The following LOXHD1 variants were observed in gnomAD, a reference collection of about 807,000 sequenced individuals.
The protein encoded by LOXHD1 is lipoxygenase homology domain-containing protein 1.
A neutral mutation model predicts 248.2 loss-of-function variants in LOXHD1; 205 were observed. That is an observed-to-expected ratio of 0.83 (90% confidence interval 0.74 to 0.93). The LOEUF (loss-of-function observed/expected upper bound fraction) is 0.93, where lower values mean the gene tolerates loss of function less well. Ranked by LOEUF, LOXHD1 falls within the 40% of genes least tolerant of loss-of-function variation. The probability of loss-of-function intolerance (pLI) is 0.00; values close to 1 mark genes in which losing one functional copy is unlikely to be tolerated. For synonymous variants in LOXHD1, 1,113 were observed against 1,162.8 expected, an observed-to-expected ratio of 0.96 and a Z score of 0.87; for missense variants, 2,930 against 2,971.6, an observed-to-expected ratio of 0.99 and a Z score of 0.33.
intron 17 of LOXHD1, among the ~76,000 whole-genome samples, chr18:46,565,723 A>C (rs987602173): frequency 6.6e-6 from 1 of 152,218 alleles, no homozygotes. Flanking sequence ...ATACAAGGTA[A>C]ATGCTATATA....
At chr18:46,524,984 C>A in intron 29 of LOXHD1, 67 bp from the exon 30 acceptor site, 1 of 1,500,324 alleles carries the variant, frequency 6.7e-7, no homozygotes, top group East Asian at 2.5e-5. Flanking sequence ...CCAGCCCCAC[C>A]CTTCTGGGAC....
At chr18:46,556,918 AAT>A (rs912342367) in intron 21 of LOXHD1, 17 of 285,070 alleles carry the variant, frequency 6.0e-5, no homozygotes, top group African/African-American at 3.4e-4. Flanking sequence ...CTCACCCTCC[AAT>A]GTCATCCAGC....
chr18:46,613,295 A>G (rs1319118595), intron 5 of LOXHD1, among the ~76,000 whole-genome samples: 2 of 152,120 alleles, frequency 1.3e-5, no homozygotes, highest in Admixed American at 6.5e-5. Context: ...GTTTTCCCAA[A>G]AGGCTCTTTT....
At chr18:46,508,447 C>G (rs1243005872) in intron 35 of LOXHD1, among the ~76,000 whole-genome samples, 1 of 152,112 alleles carries the variant, frequency 6.6e-6, no homozygotes, top group African/African-American at 2.4e-5. Context: ...TGATGCTGCC[C>G]CGAGCCAGGG....
intron 4 of LOXHD1, among the ~76,000 whole-genome samples, chr18:46,624,031 G>T (rs545925338): frequency 1.3e-5 from 2 of 152,248 alleles, no homozygotes; most frequent in African/African-American, 4.8e-5. Flanking sequence ...GCTTTCTTAG[G>T]AAGCAGAGAA....
chr18:46,529,229 T>G lies in LOXHD1; in HGVS notation c.4478A>C (p.Glu1493Ala), dbSNP rs1426519782. 1.9e-6 allele frequency: 3 copies of G among 1,551,560 alleles called. No homozygotes were observed. In the Admixed American group the frequency reaches 5.9e-5, roughly 30 times the overall value. Residue 1493 changes from glutamate (E) to alanine (A), a missense_variant, in exon 29 of 41, where the codon GAG becomes GCG. Physicochemically the swap from Glu to Ala is moderately radical, Grantham distance 107 (BLOSUM62 -1). Coordinates refer to ENST00000642948, the MANE Select transcript of LOXHD1 (RefSeq NM_001384474.1). Reference sequence around the variant, plus strand: ...GTTCTCTGACTTGCCAAGGTATCGCTCCCCAGTGTCCCCGAGGTCTCCATA... The same window carrying G: ...GTTCTCTGACTTGCCAAGGTATCGCGCCCCAGTGTCCCCGAGGTCTCCATA... The part of the protein sequence containing the change: ...TIYGDLGDTG[E>A]RYLGKSENRT...
Position 46,604,221 on chromosome 18 carries a change from A to G in LOXHD1, c.768T>C (p.Ile256=), listed in dbSNP as rs1387167481. 1 of 1,551,576 alleles carries G rather than the reference A, an allele frequency of 6.4e-7. No homozygotes were observed. The highest frequency in any genetic ancestry group is 8.7e-7 in the Non-Finnish European group (1 of 1,146,990). Residue 256 remains isoleucine (I), a synonymous_variant, in exon 7 of 41, where the codon ATT becomes ATC. Coordinates refer to ENST00000642948, the MANE Select transcript of LOXHD1 (RefSeq NM_001384474.1). ...ATTTTCTTTTGTTCCCAATATCTTC[A>G]ATGACTATCTGGGAAGGAGAAGAGG... The part of the protein sequence containing the change: ...SAGWFLSQIV[I]EDIGNKRKYD...
At chr18:46,566,909 A>G (rs1284058449) in intron 16 of LOXHD1, among the ~76,000 whole-genome samples, 6 of 152,092 alleles carry the variant, frequency 3.9e-5, no homozygotes, top group African/African-American at 1.4e-4. Flanking sequence ...CCTGAAGGTG[A>G]CAGAATATCA....
chr18:46,592,117 C>A (rs2038181277), intron 11 of LOXHD1, 49 bp from the exon 12 acceptor site: 2 of 1,551,060 alleles, frequency 1.3e-6, no homozygotes, highest in Non-Finnish European at 1.7e-6. Context: ...GGGATGTTCA[C>A]CGATGCCCTG....
Position 46,538,137 on chromosome 18 carries a change from G to T in LOXHD1, c.4095+19C>A. On this transcript the variant is annotated intron_variant, in intron 26 of 40. Coordinates refer to ENST00000642948, the MANE Select transcript of LOXHD1 (RefSeq NM_001384474.1). ...GTCTGACCTACTCCATCCCTGGACA[G>T]CCTGCTGAGCCCAAGTACCTCTACG... 6.6e-7 allele frequency: 1 copy of T among 1,522,698 alleles called. No individual in the cohort carries two copies. 94.3% of individuals were successfully genotyped at this position (1,522,698 alleles called of 1,614,324 possible). A position where few individuals can be genotyped will look rare whatever the true frequency, so the allele number is the denominator to read the frequency against.
At chr18:46,573,022 C>CAAAAAAAAAAA (rs71162809) in intron 14 of LOXHD1, among the ~76,000 whole-genome samples, 1 of 57,374 alleles carries the variant, frequency 1.7e-5, no homozygotes, top group Non-Finnish European at 2.9e-5. Context: ...GACTCCGTCT[C>CAAAAAAAAAAA]AAAAAAAAAA....
intron 15 of LOXHD1, among the ~76,000 whole-genome samples, chr18:46,570,421 C>T (rs2037729544): frequency 6.6e-6 from 1 of 152,222 alleles, no homozygotes; most frequent in Admixed American, 6.5e-5. Flanking sequence ...CACTCACTGA[C>T]ACCGTAGGGT....
Position 46,604,144 on chromosome 18 carries a change from A to C in LOXHD1, c.845T>G (p.Ile282Ser). The C allele has an allele frequency of 6.4e-7, 1 of 1,551,672 alleles. No homozygotes were observed. Among genetic ancestry groups the C allele is most frequent in the Non-Finnish European group, 8.7e-7 (1 of 1,146,974 alleles). ...TCCGCCCACTAAGATATCCCTTTGG[A>C]TTTTGCCATCGTCTTCGTCCAAGGC... ...WLALDEDDGK[I>S]QRDILVGGAE... is the part of the protein sequence containing the mutation. Residue 282 changes from isoleucine to serine, a missense_variant, in exon 7 of 41, where the codon ATC (isoleucine) becomes AGC (serine). Transcript: ENST00000642948.
intron 13 of LOXHD1, among the ~76,000 whole-genome samples, chr18:46,579,242 A>T (rs1164579571): frequency 6.6e-6 from 1 of 152,142 alleles, no homozygotes; most frequent in Non-Finnish European, 1.5e-5. Flanking sequence ...CCCACCCCTG[A>T]GGTAAGAAAG....
At chr18:46,630,922 C>T (rs2038812222) in intron 4 of LOXHD1, among the ~76,000 whole-genome samples, 1 of 152,048 alleles carries the variant, frequency 6.6e-6, no homozygotes, top group Non-Finnish European at 1.5e-5. Flanking sequence ...AACAGAGACC[C>T]AGAGAGGATG....
At chr18:46,502,041 A>G (rs572661966) in intron 37 of LOXHD1, among the ~76,000 whole-genome samples, 5 of 152,364 alleles carry the variant, frequency 3.3e-5, no homozygotes, top group Admixed American at 1.3e-4. Flanking sequence ...ATTTTTAAGC[A>G]AGGGATTCTA....
At chr18:46,546,027 C>T (rs2036806808) in intron 22 of LOXHD1, among the ~76,000 whole-genome samples, 1 of 152,052 alleles carries the variant, frequency 6.6e-6, no homozygotes, top group Non-Finnish European at 1.5e-5. Context: ...TCCTCTGCCT[C>T]TGGCTTATAC....
rs779062931 is a variant in LOXHD1, at chr18:46,648,103, G to GA, written c.245+1051dup. On this transcript the variant is annotated intron_variant, in intron 2 of 40. Transcript: ENST00000642948. Reference sequence around the variant, plus strand: ...GAAACCCCGTTTCTATTAAAAATATGAAAAATTAGCCGGTTATGGTGGCAC... The same window carrying GA: ...GAAACCCCGTTTCTATTAAAAATATGAAAAAATTAGCCGGTTATGGTGGCAC... Among the ~76,000 whole-genome samples, 146 of 152,080 alleles carry GA rather than the reference G, an allele frequency of 9.6e-4. 1 individual carries two copies. The highest frequency in any genetic ancestry group is 3.4e-3 in the Middle Eastern group (1 of 294).
At position 46,542,710 on chromosome 18, in the gene LOXHD1, G is replaced by C. The variant is rs947993437; in HGVS notation, c.3748+17C>G. The C allele has an allele frequency of 1.3e-6, 2 of 1,551,438 alleles. No homozygotes were observed. The highest frequency in any genetic ancestry group is 1.7e-6 in the Non-Finnish European group (2 of 1,146,962). ...CCTTAAAGTCTTAGCAAGGAACAGA[G>C]GGGAGGGAAGCCACACCTGTGTTGT... On this transcript the variant is annotated intron_variant, in intron 24 of 40. Transcript: ENST00000642948.
Sources: gnomAD v4.1 joint callset for allele counts (sites outside exome capture counted in the v4.1 genomes callset) on GRCh38, gnomAD v4.1.1 for gene constraint, MANE v1.5 for transcripts, NCBI Gene and HGNC (gene_info 2026-07-23, HGNC 2026-07-21) for gene names.